BTAF1: variants seen among roughly 807,000 people sequenced by gnomAD.
BTAF1 encodes the protein TATA-binding protein-associated factor 172.
A neutral mutation model predicts 227.1 loss-of-function variants in BTAF1; 38 were observed. The observed-to-expected ratio is 0.17, with a 90% confidence interval of 0.13 to 0.22. The LOEUF (loss-of-function observed/expected upper bound fraction) is 0.22. Ranked by LOEUF, BTAF1 falls within the 10% of genes least tolerant of loss-of-function variation. The pLI, the probability that BTAF1 is intolerant of heterozygous loss-of-function variation, is 1.00. For missense variants in BTAF1, 1,598 were observed against 2,204.0 expected, an observed-to-expected ratio of 0.73 and a Z score of 5.51; for synonymous variants, 742 against 751.9, an observed-to-expected ratio of 0.99 and a Z score of 0.21.
chr10:91,930,384 T>C (rs983929216), intron 1 of BTAF1, among the ~76,000 whole-genome samples: 4 of 152,180 alleles, frequency 2.6e-5, no homozygotes, highest in African/African-American at 7.2e-5. Context: ...TTCTATGTTA[T>C]AGGTGCTAGA....
At chr10:91,964,438 C>T (rs2133913160) in intron 13 of BTAF1, among the ~76,000 whole-genome samples, 1 of 152,120 alleles carries the variant, frequency 6.6e-6, no homozygotes, top group African/African-American at 2.4e-5. Flanking sequence ...AATTCATCGT[C>T]TTGTTCGTCT....
chr10:92,011,390 T>C lies in BTAF1; in HGVS notation c.4286T>C (p.Ile1429Thr). The C allele has an allele frequency of 7.0e-7, 1 of 1,428,020 alleles. No individual in the cohort carries two copies. The highest frequency in any genetic ancestry group is 9.2e-7 in the Non-Finnish European group (1 of 1,088,568). The allele number at this position is 1,428,020 out of a possible 1,614,324, so 88.5% of individuals were successfully genotyped here. ...AVKQLTANYR[I>T]ILSGTPIQNN... ...AAACAACTGACTGCTAATTATAGGA[T>C]TATTCTTTCTGGAACACCAATCCAG... The change falls in exon 30 of 38, where the codon ATT becomes ACT. Residue 1429 changes from isoleucine to threonine, a missense_variant. Ile to Thr is a moderately conservative substitution (Grantham distance 89). Around this residue, in one of 10 missense-constraint regions of BTAF1, gnomAD observed 184 missense variants for 341.1 expected, o/e 0.54. Coordinates refer to ENST00000265990, the MANE Select transcript of BTAF1 (RefSeq NM_003972.3).
At chr10:92,017,950 CAG>C (rs985376557) in intron 33 of BTAF1, among the ~76,000 whole-genome samples, 5 of 152,194 alleles carry the variant, frequency 3.3e-5, no homozygotes, top group Admixed American at 2.0e-4. Context: ...GTGGCTGAAT[CAG>C]AGAAGAGACC....
chr10:91,971,943 A>G (rs1847334424), intron 14 of BTAF1, among the ~76,000 whole-genome samples: 1 of 152,022 alleles, frequency 6.6e-6, no homozygotes, highest in African/African-American at 2.4e-5. Context: ...TCTTGTTTCA[A>G]GTTTTTGTCA....
chr10:91,927,213 A>T (rs552356113), intron 1 of BTAF1, among the ~76,000 whole-genome samples: 1 of 150,950 alleles, frequency 6.6e-6, no homozygotes, highest in Non-Finnish European at 1.5e-5. Flanking sequence ...TTCTTGACTC[A>T]CCATAACCTC....
intron 13 of BTAF1, among the ~76,000 whole-genome samples, chr10:91,964,865 C>G (rs1426710180): frequency 6.6e-6 from 1 of 151,880 alleles, no homozygotes; most frequent in Non-Finnish European, 1.5e-5. Flanking sequence ...GAATAGTGTC[C>G]TTAGAGACAG....
chr10:92,026,985 C>A, intron 36 of BTAF1, 145 bp from the exon 37 acceptor site: 1 of 932,656 alleles, frequency 1.1e-6, no homozygotes, highest in Non-Finnish European at 1.6e-6. Context: ...TTGCTGCACA[C>A]ATTTTGAGCT....
At chr10:91,950,152 G>GT (rs1564666007) in intron 4 of BTAF1, among the ~76,000 whole-genome samples, 2 of 86,032 alleles carry the variant, frequency 2.3e-5, no homozygotes, top group Non-Finnish European at 2.5e-5. Context: ...CCTTTGTGGG[G>GT]GGGGGCGGGA....
intron 14 of BTAF1, among the ~76,000 whole-genome samples, chr10:91,968,423 C>T (rs1441333151): frequency 6.6e-6 from 1 of 152,126 alleles, no homozygotes; most frequent in African/African-American, 2.4e-5. Context: ...ATTGTCTGTA[C>T]CAGTTTATTC....
chr10:91,937,110 T>C (rs151268937), intron 2 of BTAF1, among the ~76,000 whole-genome samples: 1 of 151,890 alleles, frequency 6.6e-6, no homozygotes, highest in East Asian at 1.9e-4. Context: ...TTCTCCTGCC[T>C]TAGCCTCCCG....
rs556770213 is a variant in BTAF1 at position 91,986,257 on chromosome 10, G to A, written c.2427+1853G>A. Among the ~76,000 whole-genome samples the A allele has an allele frequency of 3.9e-5, 6 of 152,250 alleles. No individual in the cohort carries two copies. In the South Asian group the frequency reaches 1.2e-3, roughly 32 times the overall value. ...CTGGCACCTTTGTCAAAAACCAACT[G>A]AAGTTATATAAGTATGCTGTGTATC... On this transcript the variant is annotated intron_variant, in intron 19 of 37. Coordinates refer to ENST00000265990, the MANE Select transcript of BTAF1 (RefSeq NM_003972.3).
rs191346958 is a variant in BTAF1 at position 91,995,403 on chromosome 10, G to A, written c.3309+759G>A. Among the ~76,000 whole-genome samples, 439 of 152,194 alleles carry A rather than the reference G, an allele frequency of 2.9e-3. 1 individual carries two copies. Among genetic ancestry groups the A allele is most frequent in the Non-Finnish European group, 5.1e-3 (349 of 67,996 alleles). On this transcript the variant is annotated intron_variant, in intron 23 of 37. Transcript: ENST00000265990. ...GTTAGTAAAGAAAAGTAGGCCGGGC[G>A]TGGTGGCTTACACCTGTAATCCCAG...
chr10:91,927,972 C>T (rs948755751), intron 1 of BTAF1, among the ~76,000 whole-genome samples: 2 of 129,262 alleles, frequency 1.5e-5, no homozygotes, highest in African/African-American at 5.7e-5. Context: ...AGTTTAACTG[C>T]CTTTTTTCTT....
chr10:91,994,482 TCTAGATTTTG>T, intron 22 of BTAF1, 43 bp from the exon 23 acceptor site: 1 of 1,388,576 alleles, frequency 7.2e-7, no homozygotes, highest in Non-Finnish European at 1.0e-6. Flanking sequence ...TTTTGTGTGC[TCTAGATTTTG>T]AAAAATTATT....
Position 91,980,447 on chromosome 10 carries a change from T to G in BTAF1, c.1651-7T>G, listed in dbSNP as rs1327623563. The G allele has an allele frequency of 6.2e-7, 1 of 1,600,398 alleles. No individual in the cohort carries two copies. The highest frequency in any genetic ancestry group is 2.2e-5 in the East Asian group (1 of 44,770). On this transcript the variant is annotated splice_polypyrimidine_tract_variant and splice_region_variant and intron_variant, in intron 14 of 37. Coordinates refer to ENST00000265990, the MANE Select transcript of BTAF1 (RefSeq NM_003972.3). ...GCTACAGCTTTTAATTCTGTTTTTG[T>G]TTTCAGAACTCTTCATCTTGGCTTA...
chr10:91,966,856 A>G, intron 14 of BTAF1, 99 bp downstream of exon 14: 1 of 1,183,736 alleles, frequency 8.4e-7, no homozygotes, highest in Non-Finnish European at 1.2e-6. Flanking sequence ...TCCAAAGATC[A>G]GGACAATGTT....
chr10:91,940,534 T>C (rs916908454), intron 3 of BTAF1, among the ~76,000 whole-genome samples: 2 of 152,136 alleles, frequency 1.3e-5, no homozygotes, highest in East Asian at 1.9e-4. Flanking sequence ...GTGTTCTGAT[T>C]GCCTGTAATG....
chr10:91,924,072 C>A lies in BTAF1; in HGVS notation c.-5C>A, dbSNP rs564937861. ...CGGGGAGCTCCGAACCGCCGGCGCC[C>A]GGCCATGGCGGTCTCCAGGTGGGTC... On this transcript the variant is annotated 5_prime_UTR_variant, in exon 1 of 38. Coordinates refer to ENST00000265990, the MANE Select transcript of BTAF1 (RefSeq NM_003972.3). 6.2e-7 allele frequency: 1 copy of A among 1,608,474 alleles called. No individual in the cohort carries two copies.
At position 92,030,886 on chromosome 10, in the gene BTAF1, TA is replaced by T. The variant is rs1403658376; in HGVS notation, c.*1955del. Among the ~76,000 whole-genome samples, 6 of 152,264 alleles carry T rather than the reference TA, an allele frequency of 3.9e-5. No homozygotes were observed. The East Asian group carries it at 9.6e-4, about 24-fold the overall frequency. On this transcript the variant is annotated 3_prime_UTR_variant, in exon 38 of 38. Transcript: ENST00000265990. ...GGAAAACATGTAAACAGGTAAGAACTAAGTATTCTTAATTAAATGACCCAGT... is the reference window on the plus strand; with the variant it reads ...GGAAAACATGTAAACAGGTAAGAACTAGTATTCTTAATTAAATGACCCAGT...
Sources: gnomAD v4.1 joint callset for allele counts (sites outside exome capture counted in the v4.1 genomes callset) on GRCh38, gnomAD v4.1.1 for gene constraint, gnomAD v4.1.1 regional missense constraint, MANE v1.5 for transcripts, NCBI Gene and HGNC (gene_info 2026-07-23, HGNC 2026-07-21) for gene names.